Variants in CPS1 observed in about 807,000 individuals in gnomAD.
CPS1 encodes carbamoyl-phosphate synthase 1.
In CPS1, 109 loss-of-function variants were observed where a neutral mutation model predicts 174.6. That is an observed-to-expected ratio of 0.62 (90% CI 0.53 to 0.73). CPS1 has a LOEUF of 0.73. CPS1 is among the 30% of genes least tolerant of loss of function. The pLI is 0.00. For missense variants in CPS1, 1,689 were observed against 1,821.9 expected (o/e 0.93, Z 1.33); for synonymous variants, 637 against 632.0 (o/e 1.01, Z -0.12).
Position 210,478,449 on chromosome 2 carries a change from G to A in CPS1, c.3+683G>A, listed in dbSNP as rs541531468. ...TTCCTTTATTTATTTTTCTATTAGT[G>A]ATTGCATTGTTTTCCTGTTGATTTG... On this transcript the variant is annotated intron_variant, in intron 1 of 38. Coordinates refer to the CPS1 transcript ENST00000430249. Among the ~76,000 whole-genome samples, 369 of 152,256 alleles carry A rather than the reference G, an allele frequency of 2.4e-3. 1 individual carries two copies. Among genetic ancestry groups the A allele is most frequent in the African/African-American group, 8.6e-3 (358 of 41,558 alleles).
intron 1 of CPS1, among the ~76,000 whole-genome samples, chr2:210,570,660 C>T (rs1458456976): frequency 6.6e-6 from 1 of 151,836 alleles, no homozygotes; most frequent in Non-Finnish European, 1.5e-5. Context: ...GGTTTAGGTT[C>T]TATCAAAGTT....
At chr2:210,590,046 A>T in intron 7 of CPS1, 60 bp from the exon 8 acceptor site, 2 of 1,606,370 alleles carry the variant, frequency 1.2e-6, no homozygotes, top group Non-Finnish European at 8.5e-7. Context: ...AGTCTAGCAA[A>T]ATTATACTTT....
intron 1 of CPS1, among the ~76,000 whole-genome samples, chr2:210,518,131 T>C (rs1054449155): frequency 6.6e-6 from 1 of 152,002 alleles, no homozygotes; most frequent in African/African-American, 2.4e-5. Flanking sequence ...TGTTGTGTCT[T>C]TCCAGAGATT....
intron 1 of CPS1, among the ~76,000 whole-genome samples, chr2:210,562,267 C>T (rs563258347): frequency 6.6e-6 from 1 of 152,136 alleles, no homozygotes; most frequent in Non-Finnish European, 1.5e-5. Context: ...GATTTTGTCC[C>T]CTTAACATTG....
At chr2:210,612,480 A>T (rs1457155652) in intron 20 of CPS1, among the ~76,000 whole-genome samples, 187 bp downstream of exon 20, 5 of 151,980 alleles carry the variant, frequency 3.3e-5, no homozygotes, top group Non-Finnish European at 5.9e-5. Context: ...AATTAATGAT[A>T]AATTATCATT....
chr2:210,502,456 CATATAG>C (rs975530777), intron 1 of CPS1, among the ~76,000 whole-genome samples: 6 of 101,722 alleles, frequency 5.9e-5, no homozygotes, highest in Admixed American at 3.0e-4. Context: ...CTATGAGATA[CATATAG>C]ATATATATAT....
At chr2:210,576,268 A>G in intron 2 of CPS1, 78 bp from the exon 3 acceptor site, 2 of 1,461,202 alleles carry the variant, frequency 1.4e-6, no homozygotes, top group South Asian at 2.3e-5. Context: ...GGGTTAAATA[A>G]TTCAGAGCAT....
At chr2:210,520,989 T>A (rs907130789) in intron 1 of CPS1, among the ~76,000 whole-genome samples, 2 of 152,048 alleles carry the variant, frequency 1.3e-5, no homozygotes, top group Admixed American at 6.6e-5. Flanking sequence ...GATCATGCGG[T>A]GAGTGTATGT....
chr2:210,604,916 G>T, intron 16 of CPS1, 186 bp from the exon 17 acceptor site: 1 of 619,478 alleles, frequency 1.6e-6, no homozygotes, highest in Non-Finnish European at 2.9e-6. Flanking sequence ...CATATTCACT[G>T]CAGGATGCTA....
upstream of CPS1, among the ~76,000 whole-genome samples, chr2:210,552,126 C>A (rs546772535): frequency 6.6e-6 from 1 of 151,912 alleles, no homozygotes; most frequent in Non-Finnish European, 1.5e-5. Context: ...CTTTTATATT[C>A]TATTTTCACA....
At chr2:210,570,802 T>C (rs1044279935) in intron 1 of CPS1, among the ~76,000 whole-genome samples, 2 of 152,062 alleles carry the variant, frequency 1.3e-5, no homozygotes, top group East Asian at 3.9e-4. Flanking sequence ...TTTTCATTAC[T>C]TAGACGAGAG....
intron 1 of CPS1, among the ~76,000 whole-genome samples, chr2:210,491,419 T>C (rs1414066739): frequency 2.0e-5 from 3 of 148,114 alleles, no homozygotes; most frequent in Non-Finnish European, 4.5e-5. Flanking sequence ...GTTCAAGTGA[T>C]TCTCCTGTCT....
intron 20 of CPS1, among the ~76,000 whole-genome samples, chr2:210,613,128 T>G (rs1299930700): frequency 1.3e-5 from 2 of 151,940 alleles, no homozygotes; most frequent in Non-Finnish European, 2.9e-5. Context: ...TGTGTGTGCA[T>G]GTGGGATGAG....
At chr2:210,518,344 T>C (rs1164319050) in intron 1 of CPS1, among the ~76,000 whole-genome samples, 1 of 151,958 alleles carries the variant, frequency 6.6e-6, no homozygotes, top group Non-Finnish European at 1.5e-5. Context: ...TCCTTTTCCT[T>C]AGTAAAAGAA....
intron 1 of CPS1, among the ~76,000 whole-genome samples, chr2:210,482,673 A>G (rs36075837): frequency 0.2 from 21,706 of 108,496 alleles, 1,752 homozygotes; most frequent in African/African-American, 0.29. Context: ...AGAGAGAGAG[A>G]GAAAGAGAGA....
intron 1 of CPS1, among the ~76,000 whole-genome samples, chr2:210,479,237 T>C (rs1190218298): frequency 6.6e-6 from 1 of 152,118 alleles, no homozygotes; most frequent in Non-Finnish European, 1.5e-5. Flanking sequence ...TTCACATGGT[T>C]GTCCCTCAGT....
At chr2:210,641,778 G>A (rs115591026) in intron 24 of CPS1, among the ~76,000 whole-genome samples, 3,393 of 152,254 alleles carry the variant, frequency 0.022, 56 homozygotes, top group Middle Eastern at 0.054. Context: ...TTTGAATAAC[G>A]TGTTTTCACA....
At chr2:210,662,462 T>C (rs1374012724) in intron 32 of CPS1, among the ~76,000 whole-genome samples, 1 of 152,154 alleles carries the variant, frequency 6.6e-6, no homozygotes, top group Non-Finnish European at 1.5e-5. Context: ...GAGCAATTGA[T>C]AAAATTCCTC....
At chr2:210,644,303 A>T (rs1232633535) in intron 25 of CPS1, among the ~76,000 whole-genome samples, 1 of 152,098 alleles carries the variant, frequency 6.6e-6, no homozygotes, top group African/African-American at 2.4e-5. Context: ...ACATATGTAA[A>T]TGTAGACAAT....
Sources: gnomAD v4.1 joint callset for allele counts (sites outside exome capture counted in the v4.1 genomes callset) on GRCh38, gnomAD v4.1.1 for gene constraint, MANE v1.5 for transcripts, NCBI Gene and HGNC (gene_info 2026-07-23, HGNC 2026-07-21) for gene names.